Variants in AUTS2 observed in about 807,000 individuals in gnomAD.
The protein encoded by AUTS2 is activator of transcription and developmental regulator AUTS2.
Under a neutral mutation model 112.4 loss-of-function variants are expected in AUTS2, and 17 were observed. The ratio of observed to expected loss-of-function variants is 0.15; its 90% CI spans 0.10 to 0.23. AUTS2 has a LOEUF of 0.23. Ranked by LOEUF, AUTS2 falls within the 10% of genes least tolerant of loss-of-function variation. AUTS2 has a pLI of 1.00. For synonymous variants in AUTS2, 751 were observed against 702.7 expected, an observed-to-expected ratio of 1.07 and a Z score of -1.09; for missense variants, 1,510 against 1,701.6, an observed-to-expected ratio of 0.89 and a Z score of 1.98.
chr7:69,599,899 G>C lies in AUTS2; in HGVS notation c.246G>C (p.Ser82=). 6.2e-7 allele frequency: 1 copy of C among 1,613,540 alleles called. No homozygotes were observed. The highest frequency in any genetic ancestry group is 8.5e-7 in the Non-Finnish European group (1 of 1,179,944). The part of the protein sequence containing the change: ...PPRRKRREST[S]AEEDIIDGFA... ...GGAGGAAGCGGAGAGAGTCCACCTCGGCAGAAGAGGACATCATTGATGGAT... is the reference window on the plus strand; with the variant it reads ...GGAGGAAGCGGAGAGAGTCCACCTCCGCAGAAGAGGACATCATTGATGGAT... The change falls in exon 1 of 19, where the codon TCG becomes TCC. Residue 82 remains serine, a synonymous_variant. Transcript: ENST00000342771. This position sits in a 1 kb window ranked among gnomAD's most constrained non-coding sequence, Gnocchi z 7.0.
intron 5 of AUTS2, among the ~76,000 whole-genome samples, chr7:70,536,924 C>A (rs1427352079): frequency 6.6e-6 from 1 of 151,950 alleles, no homozygotes; most frequent in Non-Finnish European, 1.5e-5. Flanking sequence ...AAAGAAAAAT[C>A]AAAAGTAATA....
chr7:70,128,272 G>GT (rs1429750444), intron 3 of AUTS2, among the ~76,000 whole-genome samples: 1 of 152,110 alleles, frequency 6.6e-6, no homozygotes, highest in East Asian at 1.9e-4. Flanking sequence ...TATTCATCAG[G>GT]TATAGTCTGG....
chr7:70,512,704 A>G (rs956726755), intron 5 of AUTS2, among the ~76,000 whole-genome samples: 1 of 152,138 alleles, frequency 6.6e-6, no homozygotes. Context: ...ATTCTTTTTA[A>G]TTGACCATAT....
intron 4 of AUTS2, among the ~76,000 whole-genome samples, chr7:70,207,259 G>C (rs141321211): frequency 1.3e-5 from 2 of 152,274 alleles, no homozygotes; most frequent in Non-Finnish European, 2.9e-5. Context: ...CATTGGGTGG[G>C]CCCTACTTTA....
chr7:70,062,109 C>A (rs527660154), intron 2 of AUTS2, among the ~76,000 whole-genome samples: 1 of 151,488 alleles, frequency 6.6e-6, no homozygotes, highest in African/African-American at 2.4e-5. Context: ...TCCCTAATTT[C>A]TCTCACAAAC....
chr7:70,755,911 G>T (rs79301099), intron 6 of AUTS2, among the ~76,000 whole-genome samples: 3,092 of 151,816 alleles, frequency 0.02, 115 homozygotes, highest in African/African-American at 0.07. Context: ...ATTATTTGCT[G>T]TGTTTAATAA....
intron 1 of AUTS2, among the ~76,000 whole-genome samples, chr7:69,827,879 A>C (rs1320305693): frequency 6.6e-6 from 1 of 152,228 alleles, no homozygotes. Context: ...GAAGGCCCAC[A>C]GCATGGTTTC....
intron 1 of AUTS2, among the ~76,000 whole-genome samples, chr7:69,813,063 C>G (rs114754160): frequency 1.3e-5 from 2 of 152,180 alleles, no homozygotes; most frequent in African/African-American, 2.4e-5. Context: ...CCATGGCCTA[C>G]AAGACACTGC....
intron 2 of AUTS2, among the ~76,000 whole-genome samples, chr7:69,908,100 T>A (rs1795217490): frequency 6.6e-6 from 1 of 152,244 alleles, no homozygotes; most frequent in South Asian, 2.1e-4. Context: ...TGCATTTTTT[T>A]AGTTTTCCCT....
intron 4 of AUTS2, among the ~76,000 whole-genome samples, chr7:70,363,730 T>A (rs897772899): frequency 3.3e-5 from 5 of 152,202 alleles, no homozygotes; most frequent in Non-Finnish European, 7.3e-5. Flanking sequence ...TTTATGCTTC[T>A]TTGAATTCTG....
At chr7:70,378,056 G>A (rs1324681816) in intron 4 of AUTS2, among the ~76,000 whole-genome samples, 3 of 151,998 alleles carry the variant, frequency 2.0e-5, no homozygotes, top group Admixed American at 6.6e-5. Flanking sequence ...TATTACAGGC[G>A]TGAGCCACCG....
At chr7:70,744,362 A>G (rs2129554514) in intron 6 of AUTS2, among the ~76,000 whole-genome samples, 1 of 152,278 alleles carries the variant, frequency 6.6e-6, no homozygotes, top group African/African-American at 2.4e-5. Context: ...ACGGGCAAGC[A>G]CATCCTCGGT....
intron 1 of AUTS2, among the ~76,000 whole-genome samples, chr7:69,607,359 C>G (rs965383122): frequency 3.9e-5 from 6 of 152,300 alleles, no homozygotes; most frequent in Middle Eastern, 3.4e-3. Context: ...TCTTCTTTCT[C>G]TCTCTTCCTT....
chr7:70,430,382 A>G (rs919923671), intron 4 of AUTS2, among the ~76,000 whole-genome samples: 2 of 152,216 alleles, frequency 1.3e-5, no homozygotes, highest in African/African-American at 4.8e-5. Flanking sequence ...AACATTTATC[A>G]TCTGTACATA....
intron 4 of AUTS2, among the ~76,000 whole-genome samples, chr7:70,297,823 G>A (rs762066645): frequency 3.9e-5 from 6 of 152,200 alleles, no homozygotes; most frequent in Non-Finnish European, 8.8e-5. Flanking sequence ...TATCCCAGTG[G>A]TTTATCAAAT....
intron 1 of AUTS2, among the ~76,000 whole-genome samples, chr7:69,728,680 C>T (rs1283173086): frequency 3.4e-4 from 44 of 128,684 alleles, no homozygotes; most frequent in South Asian, 5.1e-4. Flanking sequence ...TTGCTTGTGG[C>T]TTTTTTTTTT....
At chr7:69,839,041 C>G (rs888010496) in intron 1 of AUTS2, among the ~76,000 whole-genome samples, 1 of 152,114 alleles carries the variant, frequency 6.6e-6, no homozygotes, top group Non-Finnish European at 1.5e-5. Context: ...AACTATGAAG[C>G]TTTTGTAGCT....
chr7:69,772,203 GA>G (rs1788696960), intron 1 of AUTS2, among the ~76,000 whole-genome samples: 1 of 152,158 alleles, frequency 6.6e-6, no homozygotes, highest in Non-Finnish European at 1.5e-5. Context: ...GCAATTTCTG[GA>G]TAACTGAAGC....
intron 2 of AUTS2, among the ~76,000 whole-genome samples, chr7:70,103,744 A>G (rs904351752): frequency 1.3e-5 from 2 of 151,734 alleles, no homozygotes; most frequent in African/African-American, 4.8e-5. Context: ...TATCTCTACT[A>G]AAGATACAAA....
Sources: gnomAD v4.1 joint callset for allele counts (sites outside exome capture counted in the v4.1 genomes callset) on GRCh38, gnomAD v4.1.1 for gene constraint, Gnocchi (gnomAD v3.1) non-coding constraint, MANE v1.5 for transcripts, NCBI Gene and HGNC (gene_info 2026-07-23, HGNC 2026-07-21) for gene names.